Variants in GUCY1B1 observed in about 807,000 individuals in gnomAD.
GUCY1B1 encodes the protein guanylate cyclase 1 soluble subunit beta 1.
A neutral mutation model predicts 71.0 loss-of-function variants in GUCY1B1; 43 were observed. That is an observed-to-expected ratio of 0.61 (90% CI 0.47 to 0.78). The LOEUF (loss-of-function observed/expected upper bound fraction) is 0.78. Ranked by LOEUF, GUCY1B1 falls within the 30% of genes least tolerant of loss-of-function variation. GUCY1B1 has a pLI of 0.00. For missense variants in GUCY1B1, 535 were observed against 754.1 expected (o/e 0.71, Z 3.40); for synonymous variants, 266 against 259.7 (o/e 1.02, Z -0.23).
intron 2 of GUCY1B1, among the ~76,000 whole-genome samples, chr4:155,766,869 C>T (rs1294117843): frequency 6.6e-6 from 1 of 152,120 alleles, no homozygotes; most frequent in East Asian, 1.9e-4. Context: ...GAGCTCTCAC[C>T]ATGTCATGCT....
chr4:155,775,681 G>A (rs1737994849), intron 3 of GUCY1B1, among the ~76,000 whole-genome samples: 1 of 152,186 alleles, frequency 6.6e-6, no homozygotes, highest in Non-Finnish European at 1.5e-5. Context: ...CAGTTGTGGT[G>A]TCAAGAAAAC....
chr4:155,804,879 G>A (rs1404324763), intron 12 of GUCY1B1, 132 bp downstream of exon 12: 2 of 828,086 alleles, frequency 2.4e-6, no homozygotes, highest in African/African-American at 3.5e-5. Flanking sequence ...TTGTAGAGTT[G>A]TTTACTTTTT....
At chr4:155,780,952 A>G (rs1738377363) in intron 4 of GUCY1B1, among the ~76,000 whole-genome samples, 1 of 152,168 alleles carries the variant, frequency 6.6e-6, no homozygotes, top group Non-Finnish European at 1.5e-5. Flanking sequence ...AAATCATAAC[A>G]TGGGAGACTA....
At chr4:155,763,138 C>T (rs1322772297) in intron 2 of GUCY1B1, among the ~76,000 whole-genome samples, 1 of 152,148 alleles carries the variant, frequency 6.6e-6, no homozygotes, top group Non-Finnish European at 1.5e-5. Flanking sequence ...CCTGACTAAA[C>T]TCATCATTGC....
intron 13 of GUCY1B1, 49 bp from the exon 14 acceptor site, chr4:155,806,337 A>G: frequency 2.5e-6 from 3 of 1,213,948 alleles, no homozygotes; most frequent in Non-Finnish European, 2.4e-6. Context: ...GATATTATAA[A>G]CCTCACTATC....
intron 2 of GUCY1B1, among the ~76,000 whole-genome samples, chr4:155,771,119 G>A (rs1316139991): frequency 6.6e-6 from 1 of 152,086 alleles, no homozygotes; most frequent in Non-Finnish European, 1.5e-5. Context: ...AAAGAAAAAG[G>A]GTAGCCCCAC....
chr4:155,800,632 T>A (rs1188745230), intron 9 of GUCY1B1, among the ~76,000 whole-genome samples: 1 of 152,168 alleles, frequency 6.6e-6, no homozygotes, highest in African/African-American at 2.4e-5. Flanking sequence ...ATATAAAACA[T>A]TTCTATGAGT....
chr4:155,805,041 G>A, intron 12 of GUCY1B1, 62 bp from the exon 13 acceptor site: 4 of 1,425,512 alleles, frequency 2.8e-6, no homozygotes, highest in Admixed American at 3.7e-5. Flanking sequence ...CATGATACAT[G>A]TCACCTTCTC....
intron 9 of GUCY1B1, among the ~76,000 whole-genome samples, chr4:155,800,316 C>G (rs895331741): frequency 3.9e-5 from 6 of 152,194 alleles, no homozygotes; most frequent in African/African-American, 1.4e-4. Flanking sequence ...GCCAAAATAT[C>G]TTTTGGAAAA....
At chr4:155,763,336 C>T (rs1737124773) in intron 2 of GUCY1B1, among the ~76,000 whole-genome samples, 1 of 152,070 alleles carries the variant, frequency 6.6e-6, no homozygotes, top group African/African-American at 2.4e-5. Flanking sequence ...CCACCACACC[C>T]AGCCCAACTT....
rs1188970326 is a variant in GUCY1B1, at chr4:155,759,149, T to G, written c.3+6T>G. 6.3e-7 allele frequency: 1 copy of G among 1,586,986 alleles called. No homozygotes were observed. Among genetic ancestry groups the G allele is most frequent in the Non-Finnish European group, 8.6e-7 (1 of 1,167,482 alleles). On this transcript the variant is annotated splice_donor_region_variant and intron_variant, in intron 1 of 13. Coordinates refer to ENST00000264424, the MANE Select transcript of GUCY1B1 (RefSeq NM_000857.5). ...CTCCCGGTGCAGACACCATGGTAAG[T>G]GCTCTCAGCCGGGTGCGGCCCGAAC...
intron 9 of GUCY1B1, among the ~76,000 whole-genome samples, chr4:155,801,047 G>A (rs1739917278): frequency 6.6e-6 from 1 of 152,102 alleles, no homozygotes. Context: ...TTTAAATTAT[G>A]ACATATGCAG....
At chr4:155,778,485 C>T (rs1023913116) in intron 4 of GUCY1B1, among the ~76,000 whole-genome samples, 1 of 152,216 alleles carries the variant, frequency 6.6e-6, no homozygotes, top group African/African-American at 2.4e-5. Context: ...CTAGCTGAAC[C>T]GAAGCCCAGT....
intron 2 of GUCY1B1, among the ~76,000 whole-genome samples, chr4:155,765,449 GA>G (rs913503338): frequency 1.3e-5 from 2 of 152,066 alleles, no homozygotes; most frequent in African/African-American, 4.8e-5. Flanking sequence ...AATGGTGGGA[GA>G]AAAAATGTCT....
In GUCY1B1 at chr4:155,777,618, C is replaced by T. The variant is rs1403217646; in HGVS notation, c.273C>T (p.Gly91=). The T allele has an allele frequency of 3.8e-6, 6 of 1,591,750 alleles. No homozygotes were observed. The highest frequency in any genetic ancestry group is 5.2e-6 in the Non-Finnish European group (6 of 1,159,850). Residue 91 remains glycine, a synonymous_variant, in exon 4 of 14, where the codon GGC becomes GGT. Coordinates refer to ENST00000264424, the MANE Select transcript of GUCY1B1 (RefSeq NM_000857.5). ...ATGATACAATCTTGCGTGTCCTGGG[C>T]TCTAATGTCAGAGAATTTCTACAGG... ...SGYDTILRVL[G]SNVREFLQNL...
chr4:155,790,781 G>A (rs1739102700), intron 5 of GUCY1B1, among the ~76,000 whole-genome samples: 2 of 152,290 alleles, frequency 1.3e-5, no homozygotes, highest in South Asian at 4.1e-4. Flanking sequence ...AATTAAAATA[G>A]TAACATTTAA....
intron 4 of GUCY1B1, among the ~76,000 whole-genome samples, chr4:155,780,641 G>A (rs1033292668): frequency 3.3e-5 from 5 of 152,136 alleles, no homozygotes; most frequent in African/African-American, 1.2e-4. Context: ...AATATTTGTT[G>A]TTTGTGCAAA....
chr4:155,789,633 C>T (rs1739022557), intron 4 of GUCY1B1, 81 bp from the exon 5 acceptor site: 3 of 782,966 alleles, frequency 3.8e-6, no homozygotes. Flanking sequence ...CGATTTGACT[C>T]GTTTTCATAT....
At chr4:155,776,751 C>G (rs1738079063) in intron 3 of GUCY1B1, among the ~76,000 whole-genome samples, 1 of 151,946 alleles carries the variant, frequency 6.6e-6, no homozygotes, top group Non-Finnish European at 1.5e-5. Context: ...AAGCAGGACA[C>G]CAGGGTACAT....
Sources: gnomAD v4.1 joint callset for allele counts (sites outside exome capture counted in the v4.1 genomes callset) on GRCh38, gnomAD v4.1.1 for gene constraint, MANE v1.5 for transcripts, NCBI Gene and HGNC (gene_info 2026-07-23, HGNC 2026-07-21) for gene names.